Variants in OPRM1 observed in about 807,000 individuals in gnomAD.
OPRM1 encodes the protein opioid receptor mu 1, also known as mu-type opioid receptor.
In OPRM1, 27 loss-of-function variants were observed where a neutral mutation model predicts 31.8. The ratio of observed to expected loss-of-function variants is 0.85; its 90% confidence interval spans 0.63 to 1.17. OPRM1 has a LOEUF of 1.17. Ranked by LOEUF, OPRM1 falls within the 50% of genes most tolerant of loss-of-function variation. The pLI is 0.00. For missense variants in OPRM1, 536 were observed against 511.1 expected (o/e 1.05, Z -0.47); for synonymous variants, 196 against 189.9 (o/e 1.03, Z -0.26).
chr6:154,109,515 A>T (rs1027312593), intron 3 of OPRM1, among the ~76,000 whole-genome samples: 9 of 152,336 alleles, frequency 5.9e-5, no homozygotes, highest in Admixed American at 5.9e-4. Flanking sequence ...TGAAAAGGAC[A>T]CTGAGATAAT....
chr6:154,116,313 G>C (rs1266666061), intron 3 of OPRM1, among the ~76,000 whole-genome samples: 1 of 152,014 alleles, frequency 6.6e-6, no homozygotes, highest in African/African-American at 2.4e-5. Context: ...TCAGTTGGGC[G>C]TGGTGCCTCA....
intron 3 of OPRM1, among the ~76,000 whole-genome samples, chr6:154,227,292 A>G (rs987435897): frequency 6.6e-6 from 1 of 152,238 alleles, no homozygotes; most frequent in Admixed American, 6.5e-5. Context: ...TCAGCACCCA[A>G]TTTATGGCAT....
At chr6:154,046,177 C>T (rs571557610) in intron 1 of OPRM1, among the ~76,000 whole-genome samples, 17 of 152,218 alleles carry the variant, frequency 1.1e-4, no homozygotes, top group African/African-American at 4.1e-4. Flanking sequence ...ATCAAAAACT[C>T]GTAAGAAAAA....
At position 154,168,137 on chromosome 6, in the gene OPRM1, C is replaced by G. The variant is rs1415880648; in HGVS notation, c.1164+76665C>G. 6.7e-7 allele frequency: 1 copy of G among 1,501,166 alleles called. No homozygotes were observed. Among genetic ancestry groups the G allele is most frequent in the Middle Eastern group, 1.8e-4 (1 of 5,624 alleles). The allele number at this position is 1,501,166 out of a possible 1,614,324, so 93.0% of individuals were successfully genotyped here. On this transcript the variant is annotated intron_variant, in intron 3 of 3. Coordinates refer to the OPRM1 transcript ENST00000337049. This position sits in a 1 kb window ranked among gnomAD's most constrained non-coding sequence, Gnocchi z 4.1. Reference sequence around the variant, plus strand: ...TTCTATTTGAAAAAAAAAAAGAAAGCAGTAACAATAAACCCAGTGAAAAAT... The same window carrying G: ...TTCTATTTGAAAAAAAAAAAGAAAGGAGTAACAATAAACCCAGTGAAAAAT...
intron 3 of OPRM1, among the ~76,000 whole-genome samples, chr6:154,164,333 A>G (rs1242189488): frequency 2.6e-5 from 4 of 152,110 alleles, no homozygotes; most frequent in African/African-American, 9.7e-5. Context: ...AGTAGTTCAA[A>G]TTTTTTACCA....
At chr6:154,230,594 G>T (rs942024528) in intron 3 of OPRM1, among the ~76,000 whole-genome samples, 1 of 152,166 alleles carries the variant, frequency 6.6e-6, no homozygotes. Context: ...GTGTATTCCC[G>T]AGTCTAAATA....
intron 3 of OPRM1, among the ~76,000 whole-genome samples, chr6:154,099,282 C>CG (rs1562469465): frequency 9.9e-6 from 1 of 101,426 alleles, no homozygotes; most frequent in Non-Finnish European, 2.0e-5. Context: ...GAGAGTCTGT[C>CG]GAAAGGAAGG....
intron 3 of OPRM1, among the ~76,000 whole-genome samples, chr6:154,140,893 C>T (rs1438926734): frequency 2.0e-5 from 3 of 152,196 alleles, no homozygotes; most frequent in African/African-American, 4.8e-5. Flanking sequence ...TTGGTTGTCA[C>T]ATGTCCATTT....
At chr6:154,236,562 A>G (rs777322716) in intron 3 of OPRM1, among the ~76,000 whole-genome samples, 30 of 152,248 alleles carry the variant, frequency 2.0e-4, no homozygotes, top group Admixed American at 2.0e-4. Context: ...ATTAAAAAAC[A>G]TTTAATTTTA....
In OPRM1 at chr6:154,039,789, T is replaced by G; in HGVS notation, c.245T>G (p.Val82Gly). 6.3e-7 allele frequency: 1 copy of G among 1,599,514 alleles called. No homozygotes were observed. The highest frequency in any genetic ancestry group is 8.5e-7 in the Non-Finnish European group (1 of 1,178,254). ...ATGGCCCTCTACTCCATCGTGTGCG[T>G]GGTGGGGCTCTTCGGAAACTTCCTG... ...TIMALYSIVC[V>G]VGLFGNFLVM... Residue 82 changes from valine (V) to glycine (G), a missense_variant, in exon 1 of 4, where the codon GTG becomes GGG. Transcript: ENST00000330432.
At chr6:154,054,367 CAAAAAAAAAAAA>C (rs1194794442) in intron 1 of OPRM1, among the ~76,000 whole-genome samples, 2 of 53,062 alleles carry the variant, frequency 3.8e-5, no homozygotes, top group Non-Finnish European at 8.3e-5. Context: ...GACTCCGTCT[CAAAAAAAAAAAA>C]AAAAAAAAAA....
At chr6:154,020,106 C>T (rs1236620845) in intron 1 of OPRM1, among the ~76,000 whole-genome samples, 1 of 152,178 alleles carries the variant, frequency 6.6e-6, no homozygotes, top group Non-Finnish European at 1.5e-5. Context: ...CATTCACCTA[C>T]TGAGAGACAA....
At chr6:154,071,584 A>G (rs1786745944) in intron 1 of OPRM1, among the ~76,000 whole-genome samples, 1 of 152,234 alleles carries the variant, frequency 6.6e-6, no homozygotes, top group South Asian at 2.1e-4. Flanking sequence ...TGATCTTGCT[A>G]CAGCAAGGAA....
chr6:154,092,704 T>C (rs892221724), intron 3 of OPRM1, among the ~76,000 whole-genome samples: 1 of 152,184 alleles, frequency 6.6e-6, no homozygotes, highest in South Asian at 2.1e-4. Context: ...ACCTTTCTAA[T>C]TGACCAGAGG....
intron 3 of OPRM1, among the ~76,000 whole-genome samples, chr6:154,205,730 T>C (rs888072136): frequency 2.6e-4 from 40 of 152,334 alleles, no homozygotes; most frequent in African/African-American, 9.1e-4. Context: ...CAGAGGACAA[T>C]GAATAAACTG....
chr6:154,123,643 A>G lies in OPRM1; in HGVS notation c.*4922A>G, dbSNP rs1797421318. ...TGATTATATGCTAAACAAGGGGTGG[A>G]TTATTCATGGGTTTTCTGGGAAAGG... On this transcript the variant is annotated 3_prime_UTR_variant, in exon 4 of 4. Transcript: ENST00000330432. Among the ~76,000 whole-genome samples, 1 of 152,156 alleles carries G rather than the reference A, an allele frequency of 6.6e-6. No homozygotes were observed. Among genetic ancestry groups the G allele is most frequent in the Admixed American group, 6.5e-5 (1 of 15,280 alleles).
chr6:154,032,479 A>C (rs1268927852), intron 1 of OPRM1, among the ~76,000 whole-genome samples: 2 of 152,222 alleles, frequency 1.3e-5, no homozygotes, highest in African/African-American at 4.8e-5. Flanking sequence ...TCTATCACCC[A>C]GGCTGGAGTG....
intron 3 of OPRM1, among the ~76,000 whole-genome samples, chr6:154,115,094 C>T (rs1796727261): frequency 6.6e-6 from 1 of 152,180 alleles, no homozygotes; most frequent in Non-Finnish European, 1.5e-5. Flanking sequence ...CTCTAAACAG[C>T]TCTGCCTAGT....
chr6:154,231,364 A>G (rs1779702796), intron 3 of OPRM1, among the ~76,000 whole-genome samples: 1 of 152,260 alleles, frequency 6.6e-6, no homozygotes, highest in African/African-American at 2.4e-5. Context: ...GCAAAAATGC[A>G]CTTGCCCATT....
Sources: allele counts gnomAD v4.1 joint callset (sites outside exome capture counted in the v4.1 genomes callset), GRCh38; gene constraint gnomAD v4.1.1; non-coding constraint Gnocchi (gnomAD v3.1); transcripts MANE v1.5; gene names NCBI Gene and HGNC (gene_info 2026-07-23, HGNC 2026-07-21).